Variants in RANBP9 observed in about 807,000 individuals in gnomAD.
RANBP9 encodes ran-binding protein 9.
In RANBP9, 15 loss-of-function variants were observed where a neutral mutation model predicts 84.3. That is an observed-to-expected ratio of 0.18 (90% CI 0.12 to 0.27). The LOEUF (loss-of-function observed/expected upper bound fraction) is 0.27. RANBP9 is among the 10% of genes least tolerant of loss of function. The pLI is 1.00. For missense variants in RANBP9, 809 were observed against 912.8 expected (o/e 0.89, Z 1.46); for synonymous variants, 392 against 349.6 (o/e 1.12, Z -1.35).
chr6:13,691,836 T>C (rs1383666557), intron 2 of RANBP9, among the ~76,000 whole-genome samples: 2 of 152,126 alleles, frequency 1.3e-5, no homozygotes, highest in Admixed American at 1.3e-4. Context: ...TGGCTAATTT[T>C]TTGTATTTTT....
At chr6:13,633,449 T>C (rs1764846444) in intron 11 of RANBP9, among the ~76,000 whole-genome samples, 2 of 152,264 alleles carry the variant, frequency 1.3e-5, no homozygotes, top group Non-Finnish European at 1.5e-5. Flanking sequence ...CCAAGCACTT[T>C]GTGCTATTAG....
At chr6:13,633,671 G>A (rs1764853042) in intron 11 of RANBP9, among the ~76,000 whole-genome samples, 1 of 152,142 alleles carries the variant, frequency 6.6e-6, no homozygotes, top group Non-Finnish European at 1.5e-5. Flanking sequence ...TTCAGAAACT[G>A]AGGTGGCTGA....
intron 4 of RANBP9, among the ~76,000 whole-genome samples, chr6:13,653,155 A>C (rs1446735365): frequency 6.6e-6 from 1 of 152,130 alleles, no homozygotes; most frequent in Non-Finnish European, 1.5e-5. Context: ...AATACAGTAT[A>C]TTTTTGCTTC....
chr6:13,671,069 A>G (rs1765769844), intron 2 of RANBP9, among the ~76,000 whole-genome samples: 1 of 152,152 alleles, frequency 6.6e-6, no homozygotes, highest in South Asian at 2.1e-4. Flanking sequence ...AGCAAGTAAA[A>G]CTATGTTAAT....
At position 13,711,769 on chromosome 6, in the gene RANBP9, C is replaced by T. The variant is rs1474738109; in HGVS notation, c.-264G>A. On this transcript the variant is annotated 5_prime_UTR_variant, in exon 1 of 14. Coordinates refer to ENST00000011619, the MANE Select transcript of RANBP9 (RefSeq NM_005493.3). The stretch of plus-strand genomic sequence containing the variant: ...GGGGACGAGGCGCCGAGGGCGGGGG[C>T]GACGCGGGAGCGCGGGAGGGGAAGG... Among the ~76,000 whole-genome samples the T allele has an allele frequency of 6.8e-6, 1 of 146,266 alleles. No individual in the cohort carries two copies. Among genetic ancestry groups the T allele is most frequent in the African/African-American group, 2.5e-5 (1 of 40,512 alleles).
At chr6:13,673,194 T>C (rs76058971) in intron 2 of RANBP9, among the ~76,000 whole-genome samples, 1 of 152,220 alleles carries the variant, frequency 6.6e-6, no homozygotes, top group Non-Finnish European at 1.5e-5. Context: ...GGGCAAGAAT[T>C]ATATCAGATT....
intron 6 of RANBP9, among the ~76,000 whole-genome samples, chr6:13,643,289 TATA>T (rs1490722224): frequency 6.6e-6 from 1 of 152,204 alleles, no homozygotes; most frequent in Non-Finnish European, 1.5e-5. Flanking sequence ...AGTCAAAACA[TATA>T]CTTACATCTA....
intron 2 of RANBP9, among the ~76,000 whole-genome samples, chr6:13,682,208 T>G (rs977378602): frequency 2.0e-5 from 3 of 152,120 alleles, no homozygotes; most frequent in African/African-American, 7.2e-5. Flanking sequence ...GTAAATGTTT[T>G]ATATAATTAA....
At chr6:13,680,312 AAG>A (rs1173679699) in intron 2 of RANBP9, among the ~76,000 whole-genome samples, 1 of 148,020 alleles carries the variant, frequency 6.8e-6, no homozygotes, top group Non-Finnish European at 1.5e-5. Context: ...AGACCATACC[AAG>A]ATCAACACCA....
chr6:13,641,525 T>A lies in RANBP9; in HGVS notation c.1226-218A>T, dbSNP rs550307629. Among the ~76,000 whole-genome samples the A allele has an allele frequency of 4.0e-3, 598 of 150,070 alleles. 3 individuals carry two copies. Among genetic ancestry groups the A allele is most frequent in the African/African-American group, 0.014 (574 of 40,592 alleles). ...CAAGTACGGTCACAAATTTTTTTTT[T>A]AAAATCACGAACATACGAGTAATAT... On this transcript the variant is annotated intron_variant, in intron 7 of 13. Transcript: ENST00000011619.
Position 13,711,634 on chromosome 6 carries a change from G to A in RANBP9, c.-129C>T, listed in dbSNP as rs1758291969. ...CGCCCGCCCCGGAAGCAGGCGGCGG[G>A]CCGCGCGCCCAGGGAGACCGCGGCG... On this transcript the variant is annotated 5_prime_UTR_variant, in exon 1 of 14. Coordinates refer to ENST00000011619, the MANE Select transcript of RANBP9 (RefSeq NM_005493.3). 1 of 900,618 alleles carries A rather than the reference G, an allele frequency of 1.1e-6. No individual in the cohort carries two copies. The highest frequency in any genetic ancestry group is 1.4e-6 in the Non-Finnish European group (1 of 702,690). 55.8% of individuals were successfully genotyped at this position (900,618 alleles called of 1,614,324 possible).
chr6:13,654,809 G>A (rs938547483), intron 4 of RANBP9, among the ~76,000 whole-genome samples: 4 of 152,190 alleles, frequency 2.6e-5, no homozygotes, highest in Non-Finnish European at 5.9e-5. Flanking sequence ...CTGTTCTAGA[G>A]AAGTAATTTC....
rs531833394 is a variant in RANBP9 at position 13,652,586 on chromosome 6, A to T, written c.927+73T>A. 6 of 1,352,924 alleles carry T rather than the reference A, an allele frequency of 4.4e-6. No individual in the cohort carries two copies. In the South Asian group the frequency reaches 7.6e-5, roughly 17 times the overall value. 83.8% of individuals were successfully genotyped at this position (1,352,924 alleles called of 1,614,324 possible). ...ATAAGACTGTATTTTAAACTTTCTA[A>T]ATATGCCCAGTATCAGTTTCTTTAT... is the stretch of plus-strand genomic sequence containing the variant. On this transcript the variant is annotated intron_variant, in intron 5 of 13. Coordinates refer to ENST00000011619, the MANE Select transcript of RANBP9 (RefSeq NM_005493.3).
intron 4 of RANBP9, among the ~76,000 whole-genome samples, chr6:13,655,998 A>T (rs1052636035): frequency 4.6e-5 from 7 of 152,222 alleles, no homozygotes; most frequent in Non-Finnish European, 8.8e-5. Flanking sequence ...CTTTTAAGTC[A>T]GATAATACAG....
At chr6:13,699,800 TG>T (rs1757922649) in intron 1 of RANBP9, among the ~76,000 whole-genome samples, 1 of 152,042 alleles carries the variant, frequency 6.6e-6, no homozygotes, top group Non-Finnish European at 1.5e-5. Context: ...AGGCAGAAGT[TG>T]CAAGGGCCTG....
intron 2 of RANBP9, among the ~76,000 whole-genome samples, chr6:13,680,839 G>C (rs994262770): frequency 4.6e-5 from 7 of 151,778 alleles, no homozygotes; most frequent in African/African-American, 1.7e-4. Context: ...GAGTATAATG[G>C]TCACAAGCAA....
At chr6:13,639,506 A>AG in intron 9 of RANBP9, 57 bp downstream of exon 9, 1 of 1,497,782 alleles carries the variant, frequency 6.7e-7, no homozygotes, top group Non-Finnish European at 9.2e-7. Flanking sequence ...AAAAGGAAAA[A>AG]GGTTTAAGAT....
At chr6:13,628,272 C>G (rs1014549081) in intron 12 of RANBP9, among the ~76,000 whole-genome samples, 2 of 152,150 alleles carry the variant, frequency 1.3e-5, no homozygotes, top group Admixed American at 1.3e-4. Context: ...GTTCAACATA[C>G]AGCTGTCAGA....
At chr6:13,683,247 A>G (rs1166819978) in intron 2 of RANBP9, among the ~76,000 whole-genome samples, 3 of 152,240 alleles carry the variant, frequency 2.0e-5, no homozygotes, top group African/African-American at 4.8e-5. Flanking sequence ...TGGAATGTTA[A>G]TCAACCTAAG....
Sources: gnomAD v4.1 joint callset for allele counts (sites outside exome capture counted in the v4.1 genomes callset) on GRCh38, gnomAD v4.1.1 for gene constraint, MANE v1.5 for transcripts, NCBI Gene and HGNC (gene_info 2026-07-23, HGNC 2026-07-21) for gene names.